The following YES1 variants were observed in gnomAD, a reference collection of about 807,000 sequenced individuals.
YES1 encodes YES proto-oncogene 1, Src family tyrosine kinase.
Under a neutral mutation model 70.4 loss-of-function variants are expected in YES1, and 39 were observed. The ratio of observed to expected loss-of-function variants is 0.55; its 90% CI spans 0.43 to 0.72. The LOEUF (loss-of-function observed/expected upper bound fraction) is 0.72. Among genes scored for constraint, YES1 ranks in the 30% least tolerant of loss-of-function variants. The pLI, the probability that YES1 is intolerant of heterozygous loss-of-function variation, is 0.00. For synonymous variants in YES1, 198 were observed against 218.6 expected (o/e 0.91, Z 0.83); for missense variants, 495 against 644.8 (o/e 0.77, Z 2.52).
intron 1 of YES1, among the ~76,000 whole-genome samples, chr18:765,178 A>T (rs1261406414): frequency 3.4e-5 from 5 of 148,580 alleles, no homozygotes; most frequent in Non-Finnish European, 4.5e-5. Flanking sequence ...AGAGTTGGGA[A>T]TACCTCCATA....
In YES1 at chr18:750,024, A is replaced by G. The variant is rs117136965; in HGVS notation, c.371+1681T>C. ...TTAGTCTTTAAATAGGAAGATAGAT[A>G]TGGGATTTGTTACTAAAGATTAAAT... On this transcript the variant is annotated intron_variant, in intron 3 of 11. Transcript: ENST00000314574. Among the ~76,000 whole-genome samples, 390 of 152,330 alleles carry G rather than the reference A, an allele frequency of 2.6e-3. 4 individuals are homozygous for G. Among genetic ancestry groups the G allele is most frequent in the East Asian group, 0.01 (54 of 5,188 alleles).
In YES1 at chr18:724,225, C is replaced by T; in HGVS notation, c.*199G>A. 2 of 573,422 alleles carry T rather than the reference C, an allele frequency of 3.5e-6. No homozygotes were observed. The highest frequency in any genetic ancestry group is 4.6e-4 in the Middle Eastern group (1 of 2,156). The allele number at this position is 573,422 out of a possible 1,614,324, so 35.5% of individuals were successfully genotyped here. On this transcript the variant is annotated 3_prime_UTR_variant, in exon 12 of 12. Transcript: ENST00000314574. ...TATTTTGTTTGGACCCTGAAATACGCTGATAAATTCATCATTGGTACATTA... is the reference window on the plus strand; with the variant it reads ...TATTTTGTTTGGACCCTGAAATACGTTGATAAATTCATCATTGGTACATTA...
In YES1 at chr18:751,822, G is replaced by C; in HGVS notation, c.272-18C>G. On this transcript the variant is annotated intron_variant, in intron 2 of 11. Coordinates refer to ENST00000314574, the MANE Select transcript of YES1 (RefSeq NM_005433.4). ...AACACCACCTATCAGAGGGAAAAAA[G>C]ACCAAGGTAAATTATGTAGCTAACT... The C allele has an allele frequency of 1.5e-6, 2 of 1,377,280 alleles. No individual in the cohort carries two copies. The allele number at this position is 1,377,280 out of a possible 1,614,324, so 85.3% of individuals were successfully genotyped here. A position where few individuals can be genotyped will look rare whatever the true frequency, so the allele number is the denominator to read the frequency against.
chr18:751,302 T>C (rs1435725682), intron 3 of YES1, among the ~76,000 whole-genome samples: 1 of 152,146 alleles, frequency 6.6e-6, no homozygotes, highest in Non-Finnish European at 1.5e-5. Flanking sequence ...AATTGGAAAG[T>C]AGATGGGTTC....
intron 1 of YES1, among the ~76,000 whole-genome samples, chr18:767,376 C>G (rs1051294433): frequency 6.6e-6 from 1 of 152,090 alleles, no homozygotes; most frequent in Non-Finnish European, 1.5e-5. Context: ...TTCTGGAACT[C>G]GTGAGCTCAA....
chr18:789,632 A>G (rs1465486773), intron 1 of YES1, among the ~76,000 whole-genome samples: 2 of 152,190 alleles, frequency 1.3e-5, no homozygotes, highest in East Asian at 3.8e-4. Flanking sequence ...AACGTTCTAC[A>G]TCAATGAACT....
chr18:802,203 C>T (rs1906859828), intron 1 of YES1, among the ~76,000 whole-genome samples: 1 of 152,154 alleles, frequency 6.6e-6, no homozygotes, highest in African/African-American at 2.4e-5. Flanking sequence ...GAGCTATGAT[C>T]ATGCCACTGC....
chr18:729,096 C>A (rs924339431), intron 11 of YES1, among the ~76,000 whole-genome samples: 2 of 152,124 alleles, frequency 1.3e-5, no homozygotes, highest in Non-Finnish European at 2.9e-5. Flanking sequence ...TCACTATGCC[C>A]CACTGGTTTC....
chr18:773,086 A>C (rs996648584), intron 1 of YES1, among the ~76,000 whole-genome samples: 4 of 152,246 alleles, frequency 2.6e-5, no homozygotes, highest in Non-Finnish European at 5.9e-5. Context: ...GGTCTCCTAG[A>C]TTGATCTTGC....
Position 748,037 on chromosome 18 carries a change from CA to C in YES1, c.372-20del. On this transcript the variant is annotated intron_variant, in intron 3 of 11. Transcript: ENST00000314574. ...TCCTTCCCTGCAACACATAAAACAG[CA>C]ATCACCGCAAGGTAGACTATTGCCC... The C allele has an allele frequency of 6.2e-7, 1 of 1,607,700 alleles. No homozygotes were observed. The highest frequency in any genetic ancestry group is 1.1e-5 in the South Asian group (1 of 90,922).
chr18:790,829 A>G (rs1014946212), intron 1 of YES1, among the ~76,000 whole-genome samples: 1 of 152,272 alleles, frequency 6.6e-6, no homozygotes, highest in Non-Finnish European at 1.5e-5. Context: ...TGGGTATTAC[A>G]GGATGCTTTC....
rs557201481 is a variant in YES1 at position 745,776 on chromosome 18, T to C, written c.656A>G (p.Asn219Ser). 44 of 1,613,262 alleles carry C rather than the reference T, an allele frequency of 2.7e-5. No individual in the cohort carries two copies. In the South Asian group the frequency reaches 4.3e-4, roughly 16 times the overall value. ...VKHYKIRKLD[N>S]GGYYITTRAQ... ...TCTGGTTGTGATATAGTATCCACCATTGTCAAGTTTCCTAATTTTGTAGTG... is the reference window on the plus strand; with the variant it reads ...TCTGGTTGTGATATAGTATCCACCACTGTCAAGTTTCCTAATTTTGTAGTG... The change falls in exon 6 of 12, where the codon AAT becomes AGT. Residue 219 changes from asparagine (N) to serine (S), a missense_variant. By Grantham distance (46) the Asn-to-Ser change is conservative. Around this residue, in one of 2 missense-constraint regions of YES1, gnomAD observed 385 missense variants for 540.9 expected, o/e 0.71. Transcript: ENST00000314574.
At chr18:740,885 CTTTTT>C (rs900279393) in intron 8 of YES1, among the ~76,000 whole-genome samples, 7 of 151,996 alleles carry the variant, frequency 4.6e-5, no homozygotes, top group African/African-American at 1.7e-4. Flanking sequence ...GTTCCAATAT[CTTTTT>C]TAATTGTTAA....
intron 1 of YES1, among the ~76,000 whole-genome samples, chr18:757,174 A>T (rs2080418506): frequency 6.6e-6 from 1 of 152,248 alleles, no homozygotes; most frequent in African/African-American, 2.4e-5. Context: ...GAGTGATTTC[A>T]GGGTATGTTG....
At chr18:783,148 G>C (rs1430635979) in intron 1 of YES1, among the ~76,000 whole-genome samples, 1 of 152,082 alleles carries the variant, frequency 6.6e-6, no homozygotes, top group Admixed American at 6.6e-5. Flanking sequence ...TACTCAGGAG[G>C]CCAAGGCAGA....
intron 1 of YES1, among the ~76,000 whole-genome samples, chr18:786,986 TA>T (rs1905982360): frequency 6.8e-6 from 1 of 146,396 alleles, no homozygotes; most frequent in African/African-American, 2.5e-5. Flanking sequence ...TTATAGAACA[TA>T]ACTAGCACAA....
chr18:764,106 C>T (rs560617076), intron 1 of YES1, among the ~76,000 whole-genome samples: 12 of 126,936 alleles, frequency 9.5e-5, no homozygotes, highest in East Asian at 4.4e-4. Flanking sequence ...GGCGACAGAG[C>T]GAGACTCCCT....
At chr18:773,270 G>A (rs1373054250) in intron 1 of YES1, among the ~76,000 whole-genome samples, 1 of 152,172 alleles carries the variant, frequency 6.6e-6, no homozygotes, top group Non-Finnish European at 1.5e-5. Context: ...ATTACCAGAG[G>A]GAGGAGTCAG....
At chr18:756,386 T>C (rs1165816794) in intron 2 of YES1, among the ~76,000 whole-genome samples, 171 bp downstream of exon 2, 1 of 152,122 alleles carries the variant, frequency 6.6e-6, no homozygotes, top group Non-Finnish European at 1.5e-5. Flanking sequence ...TCCAGAACCA[T>C]ACCCATGTAT....
Sources: allele counts gnomAD v4.1 joint callset (sites outside exome capture counted in the v4.1 genomes callset), GRCh38; gene constraint gnomAD v4.1.1; regional missense constraint gnomAD v4.1.1; transcripts MANE v1.5; gene names NCBI Gene and HGNC (gene_info 2026-07-23, HGNC 2026-07-21).